Variants in ITGAM observed in about 807,000 individuals in gnomAD.
The protein encoded by ITGAM is integrin alpha-M.
In ITGAM, 79 loss-of-function variants were observed where a neutral mutation model predicts 137.5. The observed-to-expected ratio is 0.57, with a 90% CI of 0.48 to 0.69. ITGAM has a LOEUF of 0.69. ITGAM is among the 30% of genes least tolerant of loss of function. ITGAM has a pLI of 0.00. For synonymous variants in ITGAM, 583 were observed against 592.3 expected (o/e 0.98, Z 0.23); for missense variants, 1,343 against 1,483.5 (o/e 0.91, Z 1.56).
chr16:31,328,391 AGT>A (rs2080531444), intron 23 of ITGAM, among the ~76,000 whole-genome samples, 161 bp downstream of exon 23: 1 of 141,562 alleles, frequency 7.1e-6, no homozygotes, highest in South Asian at 2.3e-4. Context: ...TGGGTGTGTG[AGT>A]GTGATGATCT....
At position 31,298,038 on chromosome 16, in the gene ITGAM, T is replaced by G. The variant is rs2080155747; in HGVS notation, c.1707+84T>G. On this transcript the variant is annotated intron_variant, in intron 14 of 29. Transcript: ENST00000544665. ...ATTCAGTGTGCCCACAGCTGCCAGA[T>G]AAGTTCTCACAGTACTCCTTTCAGA... 2.6e-6 allele frequency: 3 copies of G among 1,153,226 alleles called. No homozygotes were observed. The South Asian group carries it at 3.8e-5, about 15-fold the overall frequency. 71.4% of individuals were successfully genotyped at this position (1,153,226 alleles called of 1,614,324 possible). A position where few individuals can be genotyped will look rare whatever the true frequency, so the allele number is the denominator to read the frequency against.
intron 23 of ITGAM, 95 bp from the exon 24 acceptor site, chr16:31,329,133 A>T: frequency 2.0e-6 from 1 of 505,668 alleles, no homozygotes; most frequent in African/African-American, 2.3e-5. Context: ...CCCATTACCC[A>T]TGTGCCTGTT....
Position 31,265,430 on chromosome 16 carries a change from C to T in ITGAM, c.170C>T (p.Ala57Val). Residue 57 changes from alanine to valine, a missense_variant, in exon 3 of 30, where the codon GCC (alanine) becomes GTC (valine). By Grantham distance (64) the Ala-to-Val change is moderately conservative (BLOSUM62 0). Transcript: ENST00000544665. ...GGAGCCCCCCAGGAGATAGTGGCTG[C>T]CAACCAAAGGGGCAGCCTCTACCAG... is the stretch of plus-strand genomic sequence containing the variant. ...VVGAPQEIVA[A>V]NQRGSLYQCD... 6.2e-7 allele frequency: 1 copy of T among 1,606,380 alleles called. No homozygotes were observed. Among genetic ancestry groups the T allele is most frequent in the Non-Finnish European group, 8.5e-7 (1 of 1,177,068 alleles).
rs570329381 is a variant in ITGAM, at chr16:31,273,437, A to T, written c.777A>T (p.Gly259=). 3.7e-6 allele frequency: 6 copies of T among 1,613,764 alleles called. No individual in the cohort carries two copies. The Admixed American group carries it at 1.0e-4, about 27-fold the overall frequency. Residue 259 remains glycine (G), a synonymous_variant, in exon 8 of 30, where the codon GGA becomes GGT. Transcript: ENST00000544665. The stretch of plus-strand genomic sequence containing the variant: ...AGATCCTAGTTGTCATCACGGATGG[A>T]GAAAAGTTTGGCGATCCCTTGGGAT... ...AFKILVVITD[G]EKFGDPLGYE...
At chr16:31,326,281 C>A (rs938347837) in intron 21 of ITGAM, among the ~76,000 whole-genome samples, 2 of 152,122 alleles carry the variant, frequency 1.3e-5, no homozygotes, top group Non-Finnish European at 2.9e-5. Flanking sequence ...TTTGCCTATT[C>A]TGGACATTTC....
In ITGAM at chr16:31,318,176, C is replaced by T. The variant is rs536135585; in HGVS notation, c.1708-3065C>T. Among the ~76,000 whole-genome samples, 16 of 152,154 alleles carry T rather than the reference C, an allele frequency of 1.1e-4. 1 individual carries two copies. The East Asian group carries it at 3.1e-3, about 29-fold the overall frequency. On this transcript the variant is annotated intron_variant, in intron 14 of 29. Transcript: ENST00000544665. Reference sequence around the variant, plus strand: ...GTATATTTCTAGGAATTTATCCATTCCTTCAAGGTTATCAAGTTTGTTAAC... The same window carrying T: ...GTATATTTCTAGGAATTTATCCATTTCTTCAAGGTTATCAAGTTTGTTAAC...
intron 12 of ITGAM, among the ~76,000 whole-genome samples, chr16:31,296,147 C>T (rs2080131009): frequency 6.7e-6 from 1 of 148,966 alleles, no homozygotes; most frequent in African/African-American, 2.5e-5. Context: ...CTGTGTTGCC[C>T]AGGCTGGAGT....
chr16:31,297,740 A>C lies in ITGAM; in HGVS notation c.1498-5A>C, dbSNP rs748151276. On this transcript the variant is annotated splice_polypyrimidine_tract_variant and splice_region_variant and intron_variant, in intron 13 of 29. Coordinates refer to ENST00000544665, the MANE Select transcript of ITGAM (RefSeq NM_000632.4). ...TTGGGGCCTGATACTGTTTGTGTTT[A>C]GCAGAGGGCTCGGTGGCAGTGTGAT... 6.3e-7 allele frequency: 1 copy of C among 1,594,716 alleles called. No homozygotes were observed. Among genetic ancestry groups the C allele is most frequent in the Non-Finnish European group, 8.5e-7 (1 of 1,172,418 alleles).
chr16:31,275,768 C>G (rs1356324807), intron 9 of ITGAM, 69 bp downstream of exon 9: 2 of 1,534,014 alleles, frequency 1.3e-6, no homozygotes, highest in African/African-American at 2.7e-5. Context: ...ATAGTCCCCT[C>G]TAGAATCCAG....
In ITGAM at chr16:31,296,336, C is replaced by T. The variant is rs537722066; in HGVS notation, c.1357-1178C>T. Among the ~76,000 whole-genome samples, 20 of 151,468 alleles carry T rather than the reference C, an allele frequency of 1.3e-4. No homozygotes were observed. In the South Asian group the frequency reaches 3.5e-3, roughly 27 times the overall value. ...CCATGATTTCCAGGTTGGTCTCGAA[C>T]TCCTGACCTCAGGTGATCCACACGC... is the stretch of plus-strand genomic sequence containing the variant. On this transcript the variant is annotated intron_variant, in intron 12 of 29. Transcript: ENST00000544665.
At position 31,321,527 on chromosome 16, in the gene ITGAM, T is replaced by A. The variant is rs766267366; in HGVS notation, c.1902T>A (p.Asn634Lys). 3 of 1,613,874 alleles carry A rather than the reference T, an allele frequency of 1.9e-6. No individual in the cohort carries two copies. ...TCAATCCCAGGGAAGTGGCAAGGAA[T>A]GTATTTGAGTGTAATGATCAGGTGG... ...MEFNPREVAR[N>K]VFECNDQVVK... The change falls in exon 16 of 30, where the codon AAT becomes AAA. Residue 634 changes from asparagine (N) to lysine (K), a missense_variant. Transcript: ENST00000544665.
intron 5 of ITGAM, 44 bp downstream of exon 5, chr16:31,266,191 C>A: frequency 7.3e-7 from 1 of 1,370,838 alleles, no homozygotes; most frequent in Non-Finnish European, 1.0e-6. Flanking sequence ...AGCAAAAGAC[C>A]AGGGGAGGGG....
Position 31,297,573 on chromosome 16 carries a change from C to T in ITGAM, c.1416C>T (p.Thr472=), listed in dbSNP as rs753311746. The T allele has an allele frequency of 4.2e-5, 67 of 1,612,220 alleles. No homozygotes were observed. The South Asian group carries it at 5.6e-4, about 13-fold the overall frequency. Residue 472 remains threonine, a synonymous_variant, in exon 13 of 30, where the codon ACC becomes ACT. Coordinates refer to ENST00000544665, the MANE Select transcript of ITGAM (RefSeq NM_000632.4). ...TGGACGTGGACAGCAACGGCAGCAC[C>T]GACCTGGTCCTCATCGGGGCCCCCC... The part of the protein sequence containing the change: ...CSVDVDSNGS[T]DLVLIGAPHY...
intron 14 of ITGAM, among the ~76,000 whole-genome samples, chr16:31,303,482 G>C (rs1232035350): frequency 6.6e-6 from 1 of 152,012 alleles, no homozygotes; most frequent in African/African-American, 2.4e-5. Flanking sequence ...TAACTTTTGG[G>C]GTACAAGTGC....
In ITGAM at chr16:31,329,914, A is replaced by C. The variant is rs191833364; in HGVS notation, c.2976+9A>C. On this transcript the variant is annotated intron_variant, in intron 25 of 29. Transcript: ENST00000544665. The stretch of plus-strand genomic sequence containing the variant: ...AGGTCACCTTCTCCGAGGTGAGCGG[A>C]GCTCGGCCTGACTCCTGCACGGCCC... 7.6e-5 allele frequency: 119 copies of C among 1,556,396 alleles called. No individual in the cohort carries two copies. The highest frequency in any genetic ancestry group is 9.7e-5 in the Non-Finnish European group (112 of 1,149,456).
intron 23 of ITGAM, among the ~76,000 whole-genome samples, 153 bp downstream of exon 23, chr16:31,328,383 GGTGT>G (rs1028630642): frequency 8.1e-5 from 12 of 148,104 alleles, no homozygotes; most frequent in African/African-American, 3.0e-4. Flanking sequence ...TTTGGGCATG[GGTGT>G]GTGAGTGTGA....
chr16:31,329,146 C>G, intron 23 of ITGAM, 82 bp from the exon 24 acceptor site: 2 of 736,422 alleles, frequency 2.7e-6, no homozygotes, highest in Non-Finnish European at 4.5e-6. Flanking sequence ...TGCCTGTTCG[C>G]TCCTTACACA....
intron 7 of ITGAM, among the ~76,000 whole-genome samples, chr16:31,272,433 A>C (rs1567250089): frequency 1.3e-4 from 1 of 7,508 alleles, no homozygotes; most frequent in African/African-American, 4.9e-4. Flanking sequence ...CTATATATAT[A>C]TATATATATA....
At chr16:31,283,622 A>T (rs1305499839) in intron 12 of ITGAM, among the ~76,000 whole-genome samples, 4 of 152,174 alleles carry the variant, frequency 2.6e-5, no homozygotes, top group Non-Finnish European at 4.4e-5. Flanking sequence ...CCATTCGTCT[A>T]ATCTTTTTAC....
Sources: allele counts gnomAD v4.1 joint callset (sites outside exome capture counted in the v4.1 genomes callset), GRCh38; gene constraint gnomAD v4.1.1; transcripts MANE v1.5; gene names NCBI Gene and HGNC (gene_info 2026-07-23, HGNC 2026-07-21).